Variants in PLXNA4 observed in about 807,000 individuals in gnomAD.
PLXNA4 encodes the protein plexin-A4.
In PLXNA4, 44 loss-of-function variants were observed where a neutral mutation model predicts 191.8. That is an observed-to-expected ratio of 0.23 (90% CI 0.18 to 0.29). The LOEUF is 0.29. PLXNA4 is among the 10% of genes least tolerant of loss of function. The probability of loss-of-function intolerance (pLI) is 1.00; values close to 1 mark genes in which losing one functional copy is unlikely to be tolerated. For synonymous variants in PLXNA4, 1,082 were observed against 1,009.5 expected (o/e 1.07, Z -1.36); for missense variants, 1,800 against 2,488.8 (o/e 0.72, Z 5.89).
intron 1 of PLXNA4, among the ~76,000 whole-genome samples, chr7:132,562,392 TCTG>T (rs1801226389): frequency 1.0e-5 from 1 of 97,280 alleles, no homozygotes; most frequent in Non-Finnish European, 2.0e-5. Context: ...TCCTCCTCCT[TCTG>T]CTGCTCCTCC....
intron 2 of PLXNA4, among the ~76,000 whole-genome samples, chr7:132,610,876 G>T (rs891631205): frequency 6.6e-6 from 1 of 152,336 alleles, no homozygotes; most frequent in East Asian, 1.9e-4. Context: ...AGGAGCAGAG[G>T]TTTGCCACTT....
chr7:132,338,014 C>G (rs1255159306), intron 3 of PLXNA4, among the ~76,000 whole-genome samples: 1 of 152,196 alleles, frequency 6.6e-6, no homozygotes, highest in Non-Finnish European at 1.5e-5. Flanking sequence ...TGCTGTCACA[C>G]TCTCATATCT....
chr7:132,227,961 C>T (rs116331163), intron 6 of PLXNA4, among the ~76,000 whole-genome samples: 3,355 of 152,284 alleles, frequency 0.022, 126 homozygotes, highest in African/African-American at 0.076. Context: ...ACACCAACCA[C>T]CAAGTGCTCA....
At chr7:132,644,756 C>T (rs1040950612) in intron 2 of PLXNA4, among the ~76,000 whole-genome samples, 4 of 152,088 alleles carry the variant, frequency 2.6e-5, no homozygotes, top group East Asian at 3.9e-4. Context: ...GTGCATGCCC[C>T]GTCCAAAATT....
In PLXNA4 at chr7:132,232,854, G is replaced by A. The variant is rs150429312; in HGVS notation, c.1605-4385C>T. ...ATTAACTCCCGGTGCCGCTGGCCAG[G>A]CAAACAAATTTCAATTTGGAAACAG... On this transcript the variant is annotated intron_variant, in intron 5 of 31. Coordinates refer to ENST00000321063, the MANE Select transcript of PLXNA4 (RefSeq NM_020911.2). Among the ~76,000 whole-genome samples, 4 of 152,294 alleles carry A rather than the reference G, an allele frequency of 2.6e-5. No individual in the cohort carries two copies. The East Asian group carries it at 7.7e-4, about 29-fold the overall frequency.
At chr7:132,587,987 C>T (rs1802533234) in intron 2 of PLXNA4, among the ~76,000 whole-genome samples, 1 of 151,970 alleles carries the variant, frequency 6.6e-6, no homozygotes, top group East Asian at 1.9e-4. Context: ...TGTCCAGACT[C>T]CTTTTGTCTC....
intron 3 of PLXNA4, among the ~76,000 whole-genome samples, chr7:132,330,861 G>A (rs73434865): frequency 0.017 from 2,567 of 152,120 alleles, 80 homozygotes; most frequent in African/African-American, 0.058. Flanking sequence ...GGGGTTACAG[G>A]TGCTGCTTAC....
chr7:132,199,491 C>T (rs1028319907), intron 12 of PLXNA4, among the ~76,000 whole-genome samples: 2 of 152,156 alleles, frequency 1.3e-5, no homozygotes, highest in African/African-American at 4.8e-5. Flanking sequence ...ATCCAAGTGC[C>T]TGCTTTGAGG....
chr7:132,211,488 TGG>T (rs1562923961), intron 9 of PLXNA4, among the ~76,000 whole-genome samples: 1 of 152,180 alleles, frequency 6.6e-6, no homozygotes, highest in Non-Finnish European at 1.5e-5. Flanking sequence ...CCCCTCCCAC[TGG>T]GGACTGATGA....
chr7:132,484,670 C>A, intron 3 of PLXNA4: 1 of 1,355,476 alleles, frequency 7.4e-7, no homozygotes, highest in East Asian at 2.5e-5. Flanking sequence ...CATATGCCCT[C>A]TGCCCTAACC....
In PLXNA4 at chr7:132,187,602, C is replaced by A; in HGVS notation, c.2862G>T (p.Leu954=). 1 of 1,612,748 alleles carries A rather than the reference C, an allele frequency of 6.2e-7. No homozygotes were observed. The highest frequency in any genetic ancestry group is 8.5e-7 in the Non-Finnish European group (1 of 1,179,330). The change falls in exon 15 of 32, where the codon CTG becomes CTT. Residue 954 remains leucine (L), a synonymous_variant. Transcript: ENST00000321063. ...GGCTGGGCTTCAGATCTGAGAGAGT[C>A]AGTGTCTGTGTAGAAAGGATGTGGC... ...RSSQLYYFMT[L]TLSDLKPSRG...
At chr7:132,442,944 G>T (rs942307288) in intron 3 of PLXNA4, among the ~76,000 whole-genome samples, 2 of 152,174 alleles carry the variant, frequency 1.3e-5, no homozygotes, top group African/African-American at 2.4e-5. Flanking sequence ...CACCAGTAGG[G>T]TCCTATTGGT....
chr7:132,228,563 G>C, intron 5 of PLXNA4, 94 bp from the exon 6 acceptor site: 1 of 1,526,926 alleles, frequency 6.5e-7, no homozygotes, highest in East Asian at 2.3e-5. Context: ...CAGCTCCCAG[G>C]ATGTGTCCAA....
rs181709269 is a variant in PLXNA4 at position 132,574,018 on chromosome 7, G to A, written c.-87+2404C>T. ...GGCTGGGCAAGAGAGCCAGGAAAACGTAATGTATACTCCGCTTTACAGAGA... is the reference window on the plus strand; with the variant it reads ...GGCTGGGCAAGAGAGCCAGGAAAACATAATGTATACTCCGCTTTACAGAGA... On this transcript the variant is annotated intron_variant, in intron 1 of 31. Transcript: ENST00000321063. Among the ~76,000 whole-genome samples, 130 of 152,296 alleles carry A rather than the reference G, an allele frequency of 8.5e-4. 1 individual carries two copies. The highest frequency in any genetic ancestry group is 4.3e-4 in the Non-Finnish European group (29 of 68,016).
intron 2 of PLXNA4, among the ~76,000 whole-genome samples, chr7:132,592,412 T>C (rs1802618023): frequency 6.6e-6 from 1 of 152,108 alleles, no homozygotes; most frequent in Admixed American, 6.5e-5. Context: ...CTCTTCTCAT[T>C]AAAAGGACAA....
chr7:132,487,097 C>G (rs1797590502), intron 3 of PLXNA4, among the ~76,000 whole-genome samples: 1 of 152,154 alleles, frequency 6.6e-6, no homozygotes, highest in Non-Finnish European at 1.5e-5. Flanking sequence ...CTTCCTTTTT[C>G]CAAGAGAAAA....
chr7:132,205,076 C>G (rs967834070), intron 10 of PLXNA4, among the ~76,000 whole-genome samples: 1 of 152,172 alleles, frequency 6.6e-6, no homozygotes, highest in South Asian at 2.1e-4. Flanking sequence ...AGGCCAGGGT[C>G]CGAGCTCACA....
At chr7:132,524,798 A>C (rs1025672224) in intron 1 of PLXNA4, among the ~76,000 whole-genome samples, 1 of 152,062 alleles carries the variant, frequency 6.6e-6, no homozygotes, top group Non-Finnish European at 1.5e-5. Context: ...CGATCTCCTG[A>C]CCTCGTGATC....
At chr7:132,335,733 G>A (rs188589903) in intron 3 of PLXNA4, among the ~76,000 whole-genome samples, 1 of 152,224 alleles carries the variant, frequency 6.6e-6, no homozygotes, top group Non-Finnish European at 1.5e-5. Flanking sequence ...TTCGAAGACA[G>A]GAAAAGGCAA....
Sources: gnomAD v4.1 joint callset for allele counts (sites outside exome capture counted in the v4.1 genomes callset) on GRCh38, gnomAD v4.1.1 for gene constraint, MANE v1.5 for transcripts, NCBI Gene and HGNC (gene_info 2026-07-23, HGNC 2026-07-21) for gene names.